The following IQGAP1 variants were observed in gnomAD, a reference collection of about 807,000 sequenced individuals.
The protein encoded by IQGAP1 is ras GTPase-activating-like protein IQGAP1.
In IQGAP1, 66 loss-of-function variants were observed where a neutral mutation model predicts 215.6. The observed-to-expected ratio is 0.31, with a 90% CI of 0.25 to 0.38. The LOEUF (loss-of-function observed/expected upper bound fraction) is 0.38, where lower values mean the gene tolerates loss of function less well. Ranked by LOEUF, IQGAP1 falls within the 10% of genes least tolerant of loss-of-function variation. The pLI is 1.00. For missense variants in IQGAP1, 1,712 were observed against 1,997.1 expected (o/e 0.86, Z 2.72); for synonymous variants, 772 against 728.7 (o/e 1.06, Z -0.96).
At chr15:90,482,128 CA>C (rs1219553120) in intron 27 of IQGAP1, 28 bp downstream of exon 27, 4 of 1,614,188 alleles carry the variant, frequency 2.5e-6, no homozygotes, top group Non-Finnish European at 2.5e-6. Context: ...TCATGACCCC[CA>C]GTAGAACCCA....
chr15:90,482,782 C>T, intron 28 of IQGAP1: 2 of 952,870 alleles, frequency 2.1e-6, no homozygotes, highest in Non-Finnish European at 2.5e-6. Context: ...GAATGAAACT[C>T]TAGGGGAAAT....
chr15:90,487,202 G>A, intron 32 of IQGAP1, 113 bp downstream of exon 32: 1 of 1,023,620 alleles, frequency 9.8e-7, no homozygotes, highest in East Asian at 2.5e-5. Context: ...TCTCGTACTT[G>A]TCATAATCCC....
At chr15:90,488,546 C>G (rs1966161693) in intron 33 of IQGAP1, among the ~76,000 whole-genome samples, 1 of 152,116 alleles carries the variant, frequency 6.6e-6, no homozygotes, top group Non-Finnish European at 1.5e-5. Flanking sequence ...GGCTCCTAAA[C>G]TCAGTGAACC....
At chr15:90,419,981 C>T (rs562059053) in intron 2 of IQGAP1, among the ~76,000 whole-genome samples, 1 of 152,332 alleles carries the variant, frequency 6.6e-6, no homozygotes, top group South Asian at 2.1e-4. Context: ...CTGTGCCAGG[C>T]ACTGTTCTTA....
At chr15:90,449,253 C>T (rs561647506) in intron 10 of IQGAP1, among the ~76,000 whole-genome samples, 3 of 152,004 alleles carry the variant, frequency 2.0e-5, no homozygotes, top group East Asian at 3.9e-4. Context: ...ATCCAGCGTA[C>T]GTTGGTCAAA....
rs111454505 is a variant in IQGAP1, at chr15:90,418,193, C to T, written c.156-7917C>T. Among the ~76,000 whole-genome samples the T allele has an allele frequency of 8.6e-3, 1,298 of 151,524 alleles. 16 individuals carry two copies. Among genetic ancestry groups the T allele is most frequent in the African/African-American group, 0.03 (1,234 of 41,272 alleles). ...GTTCGAAATGTTTCCTGAATGAATACGTGGGTGTCAGAATAGACACCTTTT... is the reference window on the plus strand; with the variant it reads ...GTTCGAAATGTTTCCTGAATGAATATGTGGGTGTCAGAATAGACACCTTTT... On this transcript the variant is annotated intron_variant, in intron 2 of 37. Coordinates refer to ENST00000268182, the MANE Select transcript of IQGAP1 (RefSeq NM_003870.4).
chr15:90,395,679 C>G (rs1429693568), intron 2 of IQGAP1, among the ~76,000 whole-genome samples: 1 of 152,124 alleles, frequency 6.6e-6, no homozygotes, highest in Non-Finnish European at 1.5e-5. Flanking sequence ...AAGGAGGTAA[C>G]ATTTAAATAT....
At chr15:90,453,392 ATCATG>A (rs1965634718) in intron 13 of IQGAP1, 100 bp downstream of exon 13, 2 of 867,226 alleles carry the variant, frequency 2.3e-6, no homozygotes, top group East Asian at 5.3e-5. Context: ...TTATTACTTT[ATCATG>A]GTCATACTTT....
At chr15:90,397,502 T>G in intron 2 of IQGAP1, among the ~76,000 whole-genome samples, 1 of 146,440 alleles carries the variant, frequency 6.8e-6, no homozygotes, top group Non-Finnish European at 1.5e-5. Flanking sequence ...CAGTAGGCAC[T>G]CAACAAACTT....
chr15:90,428,800 A>T (rs1965262606), intron 3 of IQGAP1, among the ~76,000 whole-genome samples: 1 of 152,158 alleles, frequency 6.6e-6, no homozygotes, highest in Admixed American at 6.6e-5. Flanking sequence ...CTGTTTCAAA[A>T]AAAAGCAGAC....
intron 37 of IQGAP1, 31 bp from the exon 38 acceptor site, chr15:90,499,960 ATGTT>A (rs757565677): frequency 0.18 from 207,795 of 1,165,428 alleles, 19,934 homozygotes; most frequent in South Asian, 0.23. Flanking sequence ...AACTGTCAAA[ATGTT>A]TTGTTTTGTT....
In IQGAP1 at chr15:90,409,617, T is replaced by C. The variant is rs2151006585; in HGVS notation, c.156-16493T>C. Among the ~76,000 whole-genome samples the C allele has an allele frequency of 1.3e-5, 2 of 152,322 alleles. 1 individual carries two copies. The highest frequency in any genetic ancestry group is 4.1e-4 in the South Asian group (2 of 4,828). ...CTCGAACTTACGAACTCAAGTGTTC[T>C]ACTCACCTTGGCTTCCCAAAATGCT... is the stretch of plus-strand genomic sequence containing the variant. On this transcript the variant is annotated intron_variant, in intron 2 of 37. Coordinates refer to ENST00000268182, the MANE Select transcript of IQGAP1 (RefSeq NM_003870.4).
At chr15:90,389,240 A>G (rs1321001698) in intron 1 of IQGAP1, among the ~76,000 whole-genome samples, 1 of 152,106 alleles carries the variant, frequency 6.6e-6, no homozygotes, top group Non-Finnish European at 1.5e-5. Context: ...TAATGATTAT[A>G]AGGTGCAATA....
Position 90,474,142 on chromosome 15 carries a change from C to G in IQGAP1, c.2575+9C>G. The G allele has an allele frequency of 6.2e-7, 1 of 1,605,676 alleles. No individual in the cohort carries two copies. Among genetic ancestry groups the G allele is most frequent in the Non-Finnish European group, 8.5e-7 (1 of 1,175,876 alleles). ...TGACTACAAGACTCTCAGTGAGTAACTGGCTCCGCATGAAGAGTTGAGGCA... is the reference window on the plus strand; with the variant it reads ...TGACTACAAGACTCTCAGTGAGTAAGTGGCTCCGCATGAAGAGTTGAGGCA... On this transcript the variant is annotated intron_variant, in intron 22 of 37. Transcript: ENST00000268182.
chr15:90,427,615 C>A (rs1965242402), intron 3 of IQGAP1, among the ~76,000 whole-genome samples: 1 of 152,092 alleles, frequency 6.6e-6, no homozygotes, highest in African/African-American at 2.4e-5. Context: ...TGGCGCACAC[C>A]TGTAATCCCA....
At chr15:90,439,548 G>T in intron 6 of IQGAP1, 149 bp downstream of exon 6, 2 of 560,422 alleles carry the variant, frequency 3.6e-6, no homozygotes, top group Non-Finnish European at 6.4e-6. Context: ...CTCTAATGTG[G>T]GGTAAAGAAC....
chr15:90,400,623 C>T (rs1309256011), intron 2 of IQGAP1, among the ~76,000 whole-genome samples: 1 of 152,166 alleles, frequency 6.6e-6, no homozygotes, highest in Non-Finnish European at 1.5e-5. Context: ...GATTGTCCAC[C>T]AGTCAAGGTT....
Position 90,501,772 on chromosome 15 carries a change from C to G in IQGAP1, c.*1664C>G, listed in dbSNP as rs1393351973. The G allele has an allele frequency of 6.6e-6, 1 of 152,154 alleles. No homozygotes were observed. The highest frequency in any genetic ancestry group is 1.5e-5 in the Non-Finnish European group (1 of 68,030). The allele number at this position is 152,154 out of a possible 1,614,324, so 9.4% of individuals were successfully genotyped here. A position where few individuals can be genotyped will look rare whatever the true frequency, so the allele number is the denominator to read the frequency against. ...GATGCTATTACAACTAGCATTGCCT[C>G]AAAAACTGGGACCAACCAAAGTGTG... On this transcript the variant is annotated 3_prime_UTR_variant, in exon 38 of 38. Transcript: ENST00000268182.
At chr15:90,434,411 C>A (rs1299482750) in intron 5 of IQGAP1, among the ~76,000 whole-genome samples, 2 of 151,884 alleles carry the variant, frequency 1.3e-5, no homozygotes. Context: ...GCACTCCAGC[C>A]TGGGCAACAA....
Sources: allele counts gnomAD v4.1 joint callset (sites outside exome capture counted in the v4.1 genomes callset), GRCh38; gene constraint gnomAD v4.1.1; transcripts MANE v1.5; gene names NCBI Gene and HGNC (gene_info 2026-07-23, HGNC 2026-07-21).